The following PLCB1 variants were observed in gnomAD, a reference collection of about 807,000 sequenced individuals.
PLCB1 encodes the protein 1-phosphatidylinositol 4,5-bisphosphate phosphodiesterase beta-1.
Under a neutral mutation model 161.8 loss-of-function variants are expected in PLCB1, and 46 were observed. The ratio of observed to expected loss-of-function variants is 0.28; its 90% CI spans 0.22 to 0.36. PLCB1 has a LOEUF of 0.36. Among genes scored for constraint, PLCB1 ranks in the 10% least tolerant of loss-of-function variants. PLCB1 has a pLI of 1.00. For missense variants in PLCB1, 1,016 were observed against 1,472.5 expected (o/e 0.69, Z 5.07); for synonymous variants, 517 against 503.7 (o/e 1.03, Z -0.35).
intron 3 of PLCB1, among the ~76,000 whole-genome samples, chr20:8,622,934 G>A (rs62198914): frequency 0.14 from 21,562 of 149,486 alleles, 1,737 homozygotes; most frequent in Non-Finnish European, 0.18. Flanking sequence ...GGTAATAGCA[G>A]CATTTTCCCA....
chr20:8,684,861 A>C, intron 9 of PLCB1, 71 bp from the exon 10 acceptor site: 1 of 1,277,440 alleles, frequency 7.8e-7, no homozygotes, highest in Non-Finnish European at 1.1e-6. Flanking sequence ...TCTGGAAAAA[A>C]AAAAAAAAAG....
At chr20:8,801,196 T>G (rs1487156917) in intron 31 of PLCB1, among the ~76,000 whole-genome samples, 1 of 152,146 alleles carries the variant, frequency 6.6e-6, no homozygotes, top group Non-Finnish European at 1.5e-5. Flanking sequence ...GACAGGCGAA[T>G]CCCACCTTGA....
intron 3 of PLCB1, among the ~76,000 whole-genome samples, chr20:8,419,980 G>T (rs1393804717): frequency 6.6e-6 from 1 of 152,056 alleles, no homozygotes; most frequent in African/African-American, 2.4e-5. Flanking sequence ...TATTACAAGG[G>T]GATTTGCCTA....
intron 31 of PLCB1, among the ~76,000 whole-genome samples, chr20:8,793,991 G>A (rs1183860075): frequency 2.0e-5 from 3 of 151,904 alleles, no homozygotes; most frequent in South Asian, 2.1e-4. Context: ...AGAATTCAGC[G>A]ATATTTCTCC....
intron 14 of PLCB1, among the ~76,000 whole-genome samples, chr20:8,718,055 T>C (rs1979425696): frequency 7.5e-6 from 1 of 132,616 alleles, no homozygotes; most frequent in East Asian, 2.2e-4. Flanking sequence ...TCCTGTCTCT[T>C]GCAAAAATAC....
chr20:8,762,502 G>A (rs894041443), intron 25 of PLCB1, among the ~76,000 whole-genome samples: 11 of 152,240 alleles, frequency 7.2e-5, no homozygotes, highest in African/African-American at 1.2e-4. Context: ...ATTTCTAATC[G>A]TAGGTTAGAA....
chr20:8,421,734 C>T (rs1979544409), intron 3 of PLCB1, among the ~76,000 whole-genome samples: 1 of 152,174 alleles, frequency 6.6e-6, no homozygotes. Flanking sequence ...TCTTTAGTAA[C>T]TTCCTGCTTA....
chr20:8,531,250 A>G (rs1389183107), intron 3 of PLCB1, among the ~76,000 whole-genome samples: 1 of 152,100 alleles, frequency 6.6e-6, no homozygotes, highest in Non-Finnish European at 1.5e-5. Context: ...CTGCTCTGTA[A>G]AAGAATTATA....
chr20:8,846,320 C>T (rs1258486371), intron 31 of PLCB1, among the ~76,000 whole-genome samples: 6 of 150,864 alleles, frequency 4.0e-5, no homozygotes. Flanking sequence ...GCAGGCCCCT[C>T]CTCCAACACT....
At chr20:8,710,067 A>G (rs1978910040) in intron 12 of PLCB1, among the ~76,000 whole-genome samples, 1 of 152,170 alleles carries the variant, frequency 6.6e-6, no homozygotes. Context: ...TACTGCTATA[A>G]AGAAATGCCT....
At chr20:8,387,967 C>T (rs1022860860) in intron 3 of PLCB1, among the ~76,000 whole-genome samples, 1 of 133,004 alleles carries the variant, frequency 7.5e-6, no homozygotes, top group East Asian at 2.1e-4. Context: ...GTATGTTTTA[C>T]CACTTTTTTT....
intron 2 of PLCB1, among the ~76,000 whole-genome samples, chr20:8,284,905 C>G (rs1983041468): frequency 6.6e-6 from 1 of 151,994 alleles, no homozygotes. Context: ...TCTTTTGTGC[C>G]TCTTCATTCT....
chr20:8,608,364 G>A (rs1987814999), intron 3 of PLCB1, among the ~76,000 whole-genome samples: 1 of 152,080 alleles, frequency 6.6e-6, no homozygotes, highest in African/African-American at 2.4e-5. Context: ...CTACCATGTG[G>A]TTGATAAACA....
chr20:8,870,081 A>G (rs1301911888), intron 31 of PLCB1, among the ~76,000 whole-genome samples: 1 of 152,176 alleles, frequency 6.6e-6, no homozygotes, highest in African/African-American at 2.4e-5. Flanking sequence ...CAAGGAATGG[A>G]GAAATAGACT....
chr20:8,618,731 G>GCACA (rs143967166), intron 3 of PLCB1, among the ~76,000 whole-genome samples: 10 of 151,258 alleles, frequency 6.6e-5, no homozygotes, highest in African/African-American at 1.9e-4. Context: ...CTCAAAAGAA[G>GCACA]CACACACACA....
chr20:8,696,434 C>T (rs1990586863), intron 10 of PLCB1, among the ~76,000 whole-genome samples: 1 of 152,030 alleles, frequency 6.6e-6, no homozygotes, highest in Admixed American at 6.6e-5. Context: ...AGTGTGATTC[C>T]TCCATCTTTG....
At chr20:8,554,788 GCTT>G (rs898444730) in intron 3 of PLCB1, among the ~76,000 whole-genome samples, 2 of 152,026 alleles carry the variant, frequency 1.3e-5, no homozygotes, top group Non-Finnish European at 2.9e-5. Context: ...AAATTGCCCA[GCTT>G]CTGAGTTCTT....
At chr20:8,436,653 C>G (rs193302799) in intron 3 of PLCB1, among the ~76,000 whole-genome samples, 25 of 152,116 alleles carry the variant, frequency 1.6e-4, no homozygotes, top group Admixed American at 1.6e-3. Context: ...GGCTTACATA[C>G]TTTTAACTAC....
At chr20:8,622,437 G>T (rs1215024393) in intron 3 of PLCB1, among the ~76,000 whole-genome samples, 1 of 152,126 alleles carries the variant, frequency 6.6e-6, no homozygotes, top group Non-Finnish European at 1.5e-5. Context: ...ACTCACAGAG[G>T]TTACCTAAAG....
Sources: gnomAD v4.1 joint callset for allele counts (sites outside exome capture counted in the v4.1 genomes callset) on GRCh38, gnomAD v4.1.1 for gene constraint, MANE v1.5 for transcripts, NCBI Gene and HGNC (gene_info 2026-07-23, HGNC 2026-07-21) for gene names.